The following SHISAL2A variants were observed in gnomAD, a reference collection of about 807,000 sequenced individuals.
SHISAL2A encodes the protein protein shisa-like-2A.
A neutral mutation model predicts 11.5 loss-of-function variants in SHISAL2A; 18 were observed. The observed-to-expected ratio is 1.57, with a 90% CI of 1.08 to 2.33. The LOEUF is 2.33. Ranked by LOEUF, SHISAL2A falls within the 30% of genes most tolerant of loss-of-function variation. The probability of loss-of-function intolerance (pLI) is 0.00; values close to 1 mark genes in which losing one functional copy is unlikely to be tolerated. For missense variants in SHISAL2A, 261 were observed against 250.9 expected (o/e 1.04, Z -0.27); for synonymous variants, 94 against 99.6 (o/e 0.94, Z 0.34).
intron 2 of SHISAL2A, among the ~76,000 whole-genome samples, chr1:52,654,715 A>C (rs1040638345): frequency 1.3e-5 from 2 of 152,240 alleles, no homozygotes; most frequent in Non-Finnish European, 2.9e-5. Context: ...AAAAATCTTC[A>C]TGACATGCGG....
intron 1 of SHISAL2A, among the ~76,000 whole-genome samples, chr1:52,635,095 C>T (rs1457155666): frequency 3.3e-5 from 5 of 152,112 alleles, no homozygotes; most frequent in Non-Finnish European, 7.4e-5. Flanking sequence ...TTCATTCATT[C>T]ATTCATTCTA....
At chr1:52,669,452 G>A (rs1261967197) in exon 6 of SHISAL2A, 4 of 152,030 alleles carry the variant, frequency 2.6e-5, no homozygotes, top group African/African-American at 9.7e-5. Flanking sequence ...GATCATGTGA[G>A]GCCAGGAGTT....
exon 6 of SHISAL2A, chr1:52,669,665 CAAAAAAAAAAA>C (rs772407748): frequency 2.0e-5 from 1 of 49,826 alleles, no homozygotes; most frequent in African/African-American, 6.7e-5. Context: ...GACTCTGTCT[CAAAAAAAAAAA>C]AAAAAAAAGA....
At chr1:52,662,162 T>A (rs1015242869) in intron 4 of SHISAL2A, among the ~76,000 whole-genome samples, 6 of 151,826 alleles carry the variant, frequency 4.0e-5, no homozygotes, top group African/African-American at 1.5e-4. Flanking sequence ...AATGCCAAGA[T>A]GTGGGGTAAG....
intron 2 of SHISAL2A, among the ~76,000 whole-genome samples, chr1:52,645,920 A>G (rs1262530190): frequency 6.6e-6 from 1 of 152,266 alleles, no homozygotes; most frequent in Non-Finnish European, 1.5e-5. Flanking sequence ...AGAATGAACA[A>G]CACAATTTTG....
In SHISAL2A at chr1:52,642,973, T is replaced by C. The variant is rs374623735; in HGVS notation, c.293T>C (p.Leu98Ser). 6 of 1,614,172 alleles carry C rather than the reference T, an allele frequency of 3.7e-6. No individual in the cohort carries two copies. Among genetic ancestry groups the C allele is most frequent in the Non-Finnish European group, 4.2e-6 (5 of 1,180,016 alleles). Residue 98 changes from leucine to serine, a missense_variant, in exon 2 of 3, where the codon TTG becomes TCG. Coordinates refer to ENST00000517870, the MANE Select transcript of SHISAL2A (RefSeq NM_001042693.3). ...LFISSKPHTK[L>S]DLGLSLQTAG... ...ATCAGCTCTAAGCCCCACACAAAGT[T>C]GGACCTGGGCTTGAGCTTACAGACA...
chr1:52,649,132 T>C (rs1691569286), intron 2 of SHISAL2A, among the ~76,000 whole-genome samples: 1 of 152,210 alleles, frequency 6.6e-6, no homozygotes, highest in South Asian at 2.1e-4. Context: ...TCCTTCCCTC[T>C]GCACCCAAAG....
intron 4 of SHISAL2A, among the ~76,000 whole-genome samples, chr1:52,664,712 G>C (rs543781954): frequency 1.3e-5 from 2 of 152,216 alleles, no homozygotes; most frequent in South Asian, 4.1e-4. Context: ...TGGCCAGGAT[G>C]GTCTCCATCT....
In SHISAL2A at chr1:52,642,967, C is replaced by A. The variant is rs777628478; in HGVS notation, c.287C>A (p.Thr96Lys). The A allele has an allele frequency of 1.2e-6, 2 of 1,614,040 alleles. No homozygotes were observed. The highest frequency in any genetic ancestry group is 1.3e-5 in the African/African-American group (1 of 74,904). Residue 96 changes from threonine (T) to lysine (K), a missense_variant, in exon 2 of 3, where the codon ACA (threonine) becomes AAA (lysine). Transcript: ENST00000517870. ...CYLFISSKPH[T>K]KLDLGLSLQT... Reference sequence around the variant, plus strand: ...CTGTTCATCAGCTCTAAGCCCCACACAAAGTTGGACCTGGGCTTGAGCTTA... The same window carrying A: ...CTGTTCATCAGCTCTAAGCCCCACAAAAAGTTGGACCTGGGCTTGAGCTTA...
chr1:52,641,611 C>T (rs925383835), intron 1 of SHISAL2A, among the ~76,000 whole-genome samples: 7 of 152,108 alleles, frequency 4.6e-5, no homozygotes, highest in Non-Finnish European at 1.0e-4. Flanking sequence ...TTGACACTGA[C>T]GTTGTCAGCA....
chr1:52,648,841 C>T (rs541342469), intron 2 of SHISAL2A, among the ~76,000 whole-genome samples: 53 of 152,156 alleles, frequency 3.5e-4, no homozygotes, highest in African/African-American at 1.2e-3. Flanking sequence ...CCCACCCTAC[C>T]CATCCCCTAA....
chr1:52,634,884 C>T (rs759408129), intron 1 of SHISAL2A, among the ~76,000 whole-genome samples: 15 of 152,124 alleles, frequency 9.9e-5, no homozygotes, highest in Admixed American at 7.9e-4. Context: ...GCAGTGGTAA[C>T]GGTCAAATGA....
exon 6 of SHISAL2A, chr1:52,668,815 G>A (rs925086871): frequency 3.3e-5 from 5 of 152,272 alleles, no homozygotes; most frequent in African/African-American, 1.2e-4. Flanking sequence ...CCCTGCTCCT[G>A]ACTAACCTCA....
intron 1 of SHISAL2A, among the ~76,000 whole-genome samples, chr1:52,639,579 C>T (rs1313890876): frequency 6.6e-6 from 1 of 151,940 alleles, no homozygotes; most frequent in Non-Finnish European, 1.5e-5. Context: ...CGGTGAAACC[C>T]TGTCTCTATT....
At chr1:52,666,304 T>C (rs2149897527) in intron 4 of SHISAL2A, among the ~76,000 whole-genome samples, 1 of 152,176 alleles carries the variant, frequency 6.6e-6, no homozygotes. Context: ...GTACAAAAAT[T>C]AGCTGGGCGT....
At chr1:52,653,457 C>G (rs771626091) in intron 2 of SHISAL2A, among the ~76,000 whole-genome samples, 21 of 151,808 alleles carry the variant, frequency 1.4e-4, no homozygotes, top group Non-Finnish European at 2.7e-4. Flanking sequence ...AAGACTCTGT[C>G]TCAAAAAAAA....
chr1:52,667,951 T>C (rs1479125283), intron 5 of SHISAL2A, among the ~76,000 whole-genome samples: 2 of 152,064 alleles, frequency 1.3e-5, no homozygotes, highest in Admixed American at 6.6e-5. Flanking sequence ...CCCCACACCA[T>C]TATGGAGCTC....
At chr1:52,647,989 G>A (rs935355467) in intron 2 of SHISAL2A, among the ~76,000 whole-genome samples, 1 of 150,016 alleles carries the variant, frequency 6.7e-6, no homozygotes, top group African/African-American at 2.4e-5. Context: ...TATACTGCTG[G>A]TAAGAGTATG....
At chr1:52,642,482 G>A (rs1380128366) in intron 1 of SHISAL2A, among the ~76,000 whole-genome samples, 1 of 150,242 alleles carries the variant, frequency 6.7e-6, no homozygotes, top group Non-Finnish European at 1.5e-5. Context: ...CTGGAGTGCA[G>A]TGGCACGATC....
Sources: allele counts gnomAD v4.1 joint callset (sites outside exome capture counted in the v4.1 genomes callset), GRCh38; gene constraint gnomAD v4.1.1; transcripts MANE v1.5; gene names NCBI Gene and HGNC (gene_info 2026-07-23, HGNC 2026-07-21).